Variants in ZNF561 observed in about 807,000 individuals in gnomAD.
ZNF561 encodes the protein zinc finger protein 561.
ZNF561 carries 16 observed loss-of-function variants against 16.7 expected under a neutral mutation model. The observed-to-expected ratio is 0.96, with a 90% confidence interval of 0.65 to 1.45. ZNF561 has a LOEUF of 1.45. ZNF561 is among the 40% of genes most tolerant of loss of function. ZNF561 has a pLI of 0.00. For missense variants in ZNF561, 580 were observed against 578.0 expected, an observed-to-expected ratio of 1.00 and a Z score of -0.04; for synonymous variants, 190 against 192.1, an observed-to-expected ratio of 0.99 and a Z score of 0.09.
Position 9,610,651 on chromosome 19 carries a change from T to C in ZNF561, c.1010A>G (p.Tyr337Cys), listed in dbSNP as rs1353682546. 3.1e-6 allele frequency: 5 copies of C among 1,614,052 alleles called. No individual in the cohort carries two copies. Among genetic ancestry groups the C allele is most frequent in the Non-Finnish European group, 4.2e-6 (5 of 1,180,034 alleles). Residue 337 changes from tyrosine (Y) to cysteine (C), a missense_variant, in exon 6 of 6, where the codon TAT (tyrosine) becomes TGT (cysteine). Physicochemically the swap from Tyr to Cys is radical, Grantham distance 194 (BLOSUM62 -2). Transcript: ENST00000302851. ...HVRTHTGIKP[Y>C]ECKECGQAFA... is the part of the protein sequence containing the mutation. ...GGCTTGGCCACATTCCTTACATTCA[T>C]AGGGTTTTATTCCAGTGTGAGTTCT...
chr19:9,619,227 A>C, intron 2 of ZNF561: 1 of 295,108 alleles, frequency 3.4e-6, no homozygotes, highest in Non-Finnish European at 6.1e-6. Flanking sequence ...ACTGCACTCC[A>C]GCCTGGGTGA....
Position 9,611,500 on chromosome 19 carries a change from T to C in ZNF561, c.325-164A>G, listed in dbSNP as rs563918980. Among the ~76,000 whole-genome samples, 9 of 152,260 alleles carry C rather than the reference T, an allele frequency of 5.9e-5. No individual in the cohort carries two copies. The East Asian group carries it at 1.2e-3, about 20-fold the overall frequency. ...TCTTGTTCTATCTCCCTGTCTGGAGTGCATGGCACACTCTCAGCTAACGGC... is the reference window on the plus strand; with the variant it reads ...TCTTGTTCTATCTCCCTGTCTGGAGCGCATGGCACACTCTCAGCTAACGGC... On this transcript the variant is annotated intron_variant, in intron 5 of 5. Coordinates refer to ENST00000302851, the MANE Select transcript of ZNF561 (RefSeq NM_152289.3).
chr19:9,620,349 C>A (rs1295372458), intron 1 of ZNF561, among the ~76,000 whole-genome samples: 2 of 152,138 alleles, frequency 1.3e-5, no homozygotes, highest in Non-Finnish European at 2.9e-5. Flanking sequence ...TTCAGCCCCC[C>A]AACTAGCTGG....
In ZNF561 at chr19:9,608,873, A is replaced by T. The variant is rs527561606; in HGVS notation, c.*1327T>A. ...AGCTTCATTCTTCCTGAGTGCTTAC[A>T]GGAAAATGTGCTCAGAACAGGCCCC... On this transcript the variant is annotated 3_prime_UTR_variant, in exon 6 of 6. Coordinates refer to ENST00000302851, the MANE Select transcript of ZNF561 (RefSeq NM_152289.3). The T allele has an allele frequency of 6.6e-6, 1 of 152,358 alleles. No homozygotes were observed. Among genetic ancestry groups the T allele is most frequent in the East Asian group, 1.9e-4 (1 of 5,184 alleles). The allele number at this position is 152,358 out of a possible 1,614,324, so 9.4% of individuals were successfully genotyped here. A position where few individuals can be genotyped will look rare whatever the true frequency, so the allele number is the denominator to read the frequency against.
chr19:9,611,405 C>A, intron 5 of ZNF561, 69 bp from the exon 6 acceptor site: 1 of 1,439,582 alleles, frequency 6.9e-7, no homozygotes. Flanking sequence ...CATCTGAACA[C>A]AGAAGCATTT....
At chr19:9,620,348 C>T (rs969126519) in intron 1 of ZNF561, among the ~76,000 whole-genome samples, 1 of 152,164 alleles carries the variant, frequency 6.6e-6, no homozygotes, top group Admixed American at 6.6e-5. Flanking sequence ...CTTCAGCCCC[C>T]CAACTAGCTG....
At chr19:9,616,528 G>A (rs189465001) in intron 4 of ZNF561, among the ~76,000 whole-genome samples, 250 of 152,036 alleles carry the variant, frequency 1.6e-3, no homozygotes, top group African/African-American at 5.8e-3. Context: ...TGATCTGCCC[G>A]CCTCGGCCTC....
Position 9,619,530 on chromosome 19 carries a change from C to G in ZNF561, c.-74G>C. ...GATCACCTCAGGCCAGCTTATGAATCTAGGTGGATAGAGGCAATCTCCATT... is the reference window on the plus strand; with the variant it reads ...GATCACCTCAGGCCAGCTTATGAATGTAGGTGGATAGAGGCAATCTCCATT... On this transcript the variant is annotated 5_prime_UTR_variant, in exon 2 of 6. Transcript: ENST00000302851. The G allele has an allele frequency of 6.5e-7, 1 of 1,541,076 alleles. No homozygotes were observed. The highest frequency in any genetic ancestry group is 8.9e-7 in the Non-Finnish European group (1 of 1,118,630).
chr19:9,612,912 CAG>C, intron 5 of ZNF561, among the ~76,000 whole-genome samples: 1 of 152,322 alleles, frequency 6.6e-6, no homozygotes, highest in South Asian at 2.1e-4. Context: ...CATCCTGCCT[CAG>C]TCCCCCAAGG....
intron 2 of ZNF561, 45 bp downstream of exon 2, chr19:9,619,387 G>C (rs1316697194): frequency 3.7e-6 from 6 of 1,606,264 alleles, no homozygotes; most frequent in East Asian, 4.5e-5. Context: ...TGTGGAGGGT[G>C]ACCTAAAGCA....
intron 1 of ZNF561, chr19:9,620,924 C>T (rs1351333819): frequency 6.6e-6 from 1 of 152,244 alleles, no homozygotes; most frequent in African/African-American, 2.4e-5. Context: ...GCCTGTAATC[C>T]CAGGTACTCG....
intron 3 of ZNF561, 72 bp downstream of exon 3, chr19:9,618,019 G>A: frequency 1.4e-6 from 2 of 1,388,468 alleles, no homozygotes; most frequent in Non-Finnish European, 2.0e-6. Context: ...AGATGAGTCT[G>A]TCTAGAAAGA....
chr19:9,614,738 A>T (rs557780399), intron 4 of ZNF561, among the ~76,000 whole-genome samples: 3 of 152,314 alleles, frequency 2.0e-5, no homozygotes, highest in Admixed American at 2.0e-4. Context: ...GTTTTATTAG[A>T]TCATAGGAAT....
chr19:9,613,827 A>T (rs1442335208), intron 5 of ZNF561, among the ~76,000 whole-genome samples, 194 bp downstream of exon 5: 1 of 152,060 alleles, frequency 6.6e-6, no homozygotes, highest in Non-Finnish European at 1.5e-5. Flanking sequence ...TCTTTTTAAA[A>T]TCAGAGATGG....
In ZNF561 at chr19:9,610,995, C is replaced by G. The variant is rs1438086135; in HGVS notation, c.666G>C (p.Glu222Asp). ...LDNHMGIHTD[E>D]KLCEFQEYGR... ...CATATTCCTGAAATTCACAGAGTTT[C>G]TCATCAGTGTGGATTCCCATATGAT... Residue 222 changes from glutamate (E) to aspartate (D), a missense_variant, in exon 6 of 6, where the codon GAG becomes GAC. Coordinates refer to ENST00000302851, the MANE Select transcript of ZNF561 (RefSeq NM_152289.3). 6.2e-7 allele frequency: 1 copy of G among 1,614,166 alleles called. No individual in the cohort carries two copies. The highest frequency in any genetic ancestry group is 8.5e-7 in the Non-Finnish European group (1 of 1,180,028).
chr19:9,617,330 C>T (rs2144898738), intron 3 of ZNF561, 159 bp from the exon 4 acceptor site: 1 of 1,295,724 alleles, frequency 7.7e-7, no homozygotes, highest in Non-Finnish European at 9.8e-7. Context: ...TGTGTCTAAA[C>T]ACTCAAGGTT....
At chr19:9,611,387 AT>A (rs749989155) in intron 5 of ZNF561, 51 bp from the exon 6 acceptor site, 1 of 1,531,634 alleles carries the variant, frequency 6.5e-7, no homozygotes, top group Non-Finnish European at 8.8e-7. Context: ...ATATTAAGAG[AT>A]TTCACCCATC....
intron 3 of ZNF561, 155 bp from the exon 4 acceptor site, chr19:9,617,326 T>C: frequency 3.1e-6 from 4 of 1,303,676 alleles, no homozygotes; most frequent in Non-Finnish European, 3.9e-6. Flanking sequence ...CTCTTGTGTC[T>C]AAACACTCAA....
At position 9,611,301 on chromosome 19, in the gene ZNF561, A is replaced by T; in HGVS notation, c.360T>A (p.Cys120Ter). Reference sequence around the variant, plus strand: ...CCCTGAAGACCTCTCCACAATTCTTACAGTCACAGAGTTTCCATCCACTGT... The same window carrying T: ...CCCTGAAGACCTCTCCACAATTCTTTCAGTCACAGAGTTTCCATCCACTGT... ...RGYSGWKLCD[C>*]KNCGEVFREQ... The change falls in exon 6 of 6, where the codon TGT (cysteine) becomes TGA (stop). Residue 120 changes from cysteine (C) to a stop codon, truncating the protein, a stop_gained. Transcript: ENST00000302851. LOFTEE classifies it low-confidence loss of function (END_TRUNC). 1 of 1,613,400 alleles carries T rather than the reference A, an allele frequency of 6.2e-7. No individual in the cohort carries two copies. The highest frequency in any genetic ancestry group is 8.5e-7 in the Non-Finnish European group (1 of 1,179,348).
Sources: gnomAD v4.1 joint callset for allele counts (sites outside exome capture counted in the v4.1 genomes callset) on GRCh38, gnomAD v4.1.1 for gene constraint, MANE v1.5 for transcripts, NCBI Gene and HGNC (gene_info 2026-07-23, HGNC 2026-07-21) for gene names.